The following TANC2 variants were observed in gnomAD, a reference collection of about 807,000 sequenced individuals.
The protein encoded by TANC2 is tetratricopeptide repeat, ankyrin repeat and coiled-coil containing 2.
TANC2 carries 26 observed loss-of-function variants against 210.5 expected under a neutral mutation model. The observed-to-expected ratio is 0.12, with a 90% CI of 0.09 to 0.17. TANC2 has a LOEUF of 0.17. TANC2 is among the 10% of genes least tolerant of loss of function. The pLI, the probability that TANC2 is intolerant of heterozygous loss-of-function variation, is 1.00. For missense variants in TANC2, 2,129 were observed against 2,608.9 expected, an observed-to-expected ratio of 0.82 and a Z score of 4.01; for synonymous variants, 931 against 967.1, an observed-to-expected ratio of 0.96 and a Z score of 0.69.
chr17:63,236,817 A>C (rs2042634592), intron 7 of TANC2, among the ~76,000 whole-genome samples: 1 of 152,174 alleles, frequency 6.6e-6, no homozygotes, highest in Non-Finnish European at 1.5e-5. Flanking sequence ...GTTGCTGCAA[A>C]AGACATTTCA....
chr17:63,164,430 T>C (rs1030458572), intron 5 of TANC2, among the ~76,000 whole-genome samples: 1 of 152,024 alleles, frequency 6.6e-6, no homozygotes, highest in Non-Finnish European at 1.5e-5. Flanking sequence ...TCACAGTAAA[T>C]ACAAAGGAAA....
chr17:63,263,437 T>C (rs2043428741), intron 8 of TANC2, among the ~76,000 whole-genome samples: 1 of 152,234 alleles, frequency 6.6e-6, no homozygotes, highest in African/African-American at 2.4e-5. Context: ...AGTTATATTA[T>C]AAAAGTTGGT....
At chr17:63,081,936 C>A (rs565652362) in intron 3 of TANC2, among the ~76,000 whole-genome samples, 2 of 151,780 alleles carry the variant, frequency 1.3e-5, no homozygotes, top group Admixed American at 1.3e-4. Context: ...AGGCCCAAGG[C>A]GGGTGGATCA....
At chr17:63,159,423 G>C (rs948798157) in intron 5 of TANC2, among the ~76,000 whole-genome samples, 1 of 152,000 alleles carries the variant, frequency 6.6e-6, no homozygotes, top group African/African-American at 2.4e-5. Context: ...TATCAACTAA[G>C]CTAAAATAAG....
intron 14 of TANC2, 64 bp downstream of exon 14, chr17:63,355,454 G>T: frequency 1.4e-6 from 2 of 1,436,916 alleles, no homozygotes; most frequent in East Asian, 2.4e-5. Flanking sequence ...TGGAGTGTGA[G>T]TATTGAAAGT....
intron 17 of TANC2, among the ~76,000 whole-genome samples, chr17:63,395,256 G>A (rs531969282): frequency 1.2e-4 from 19 of 152,206 alleles, no homozygotes; most frequent in Non-Finnish European, 2.6e-4. Flanking sequence ...AGCAGACTTT[G>A]CCAAAGTTTG....
intron 2 of TANC2, among the ~76,000 whole-genome samples, chr17:63,050,061 T>A (rs1443372132): frequency 6.6e-6 from 1 of 151,738 alleles, no homozygotes; most frequent in Admixed American, 6.6e-5. Context: ...GATATAAAAG[T>A]GGAAATGAGG....
intron 21 of TANC2, among the ~76,000 whole-genome samples, chr17:63,408,999 C>T (rs1291513342): frequency 1.3e-5 from 2 of 152,196 alleles, no homozygotes; most frequent in African/African-American, 4.8e-5. Context: ...GATTACAAAA[C>T]AGCATGTCAG....
intron 18 of TANC2, 78 bp downstream of exon 18, chr17:63,396,006 A>C (rs2048145304): frequency 1.4e-6 from 2 of 1,389,552 alleles, no homozygotes; most frequent in East Asian, 5.0e-5. Context: ...AGATTGCACG[A>C]AGACAAAATT....
At chr17:63,252,279 A>C (rs567795047) in intron 8 of TANC2, among the ~76,000 whole-genome samples, 1 of 152,018 alleles carries the variant, frequency 6.6e-6, no homozygotes, top group Non-Finnish European at 1.5e-5. Flanking sequence ...GGTGGGTGAG[A>C]TATTTTGATA....
intron 8 of TANC2, among the ~76,000 whole-genome samples, chr17:63,266,533 C>T (rs1567866304): frequency 6.6e-6 from 1 of 152,056 alleles, no homozygotes; most frequent in Non-Finnish European, 1.5e-5. Flanking sequence ...GAGCTGTCTC[C>T]CCTTCCTTTT....
intron 3 of TANC2, among the ~76,000 whole-genome samples, chr17:63,097,582 A>T (rs554098041): frequency 0.028 from 4,279 of 152,174 alleles, 77 homozygotes; most frequent in South Asian, 0.037. Flanking sequence ...AATTGCAAAA[A>T]AAAAAAAAAA....
At chr17:63,175,579 T>G (rs917623200) in intron 5 of TANC2, among the ~76,000 whole-genome samples, 1 of 146,194 alleles carries the variant, frequency 6.8e-6, no homozygotes, top group Non-Finnish European at 1.5e-5. Context: ...ATGTAAGAGC[T>G]AGGACTGAAT....
chr17:63,393,015 A>G (rs1377100109), intron 17 of TANC2, among the ~76,000 whole-genome samples: 1 of 152,142 alleles, frequency 6.6e-6, no homozygotes, highest in Non-Finnish European at 1.5e-5. Context: ...AATTTGTCCA[A>G]CTGTCCCACT....
At chr17:63,389,438 G>A (rs766490830) in exon 17 of TANC2, 2 of 1,613,966 alleles carry the variant, frequency 1.2e-6, no homozygotes, top group African/African-American at 2.7e-5. Context: ...CTGGAGTTCG[G>A]GGCCAACGTG....
At chr17:63,175,593 T>A (rs1213013502) in intron 5 of TANC2, among the ~76,000 whole-genome samples, 2 of 150,968 alleles carry the variant, frequency 1.3e-5, no homozygotes, top group African/African-American at 4.9e-5. Context: ...ACTGAATCTT[T>A]GCAACCTTGG....
At position 63,405,239 on chromosome 17, in the gene TANC2, G is replaced by A. The variant is rs771843402; in HGVS notation, c.3449G>A (p.Arg1150His). ...GCAGTGCCACTATTCAGCACAGTGC[G>A]CCAGGGCCACTGGCAGGTAAGCAGG... is the stretch of plus-strand genomic sequence containing the variant. Residue 1150 changes from arginine (R) to histidine (H), a missense_variant, in exon 20 of 28, where the codon CGC becomes CAC. By Grantham distance (29) the Arg-to-His change is conservative (BLOSUM62 0). Transcript: ENST00000689528. 5.7e-6 allele frequency: 9 copies of A among 1,586,548 alleles called. No homozygotes were observed. The South Asian group carries it at 6.8e-5, about 12-fold the overall frequency.
At chr17:63,268,684 T>C (rs1282187091) in intron 9 of TANC2, among the ~76,000 whole-genome samples, 1 of 152,150 alleles carries the variant, frequency 6.6e-6, no homozygotes, top group Non-Finnish European at 1.5e-5. Context: ...GTGCCTATAA[T>C]CCTGGCCTAG....
At chr17:63,217,691 C>A (rs80296592) in intron 7 of TANC2, among the ~76,000 whole-genome samples, 1 of 152,150 alleles carries the variant, frequency 6.6e-6, no homozygotes, top group Non-Finnish European at 1.5e-5. Flanking sequence ...TACACAGACT[C>A]CTCCAGGAAG....
Sources: gnomAD v4.1 joint callset for allele counts (sites outside exome capture counted in the v4.1 genomes callset) on GRCh38, gnomAD v4.1.1 for gene constraint, MANE v1.5 for transcripts, NCBI Gene and HGNC (gene_info 2026-07-23, HGNC 2026-07-21) for gene names.